SH3RF3: variants seen among roughly 807,000 people sequenced by gnomAD.
SH3RF3 encodes E3 ubiquitin-protein ligase SH3RF3.
A neutral mutation model predicts 66.3 loss-of-function variants in SH3RF3; 29 were observed. The observed-to-expected ratio is 0.44, with a 90% CI of 0.33 to 0.60. The LOEUF (loss-of-function observed/expected upper bound fraction) is 0.60, where lower values mean the gene tolerates loss of function less well. Among genes scored for constraint, SH3RF3 ranks in the 20% least tolerant of loss-of-function variants. The pLI, the probability that SH3RF3 is intolerant of heterozygous loss-of-function variation, is 0.04. For missense variants in SH3RF3, 1,194 were observed against 1,190.9 expected (o/e 1.00, Z -0.04); for synonymous variants, 583 against 532.0 (o/e 1.10, Z -1.32).
chr2:109,180,699 T>A (rs1196216702), intron 1 of SH3RF3, among the ~76,000 whole-genome samples: 1 of 152,220 alleles, frequency 6.6e-6, no homozygotes, highest in Non-Finnish European at 1.5e-5. Context: ...GACTTGCTCC[T>A]CCTTTCCTTC....
intron 2 of SH3RF3, among the ~76,000 whole-genome samples, chr2:109,350,742 A>G (rs79452191): frequency 0.013 from 2,002 of 152,334 alleles, 21 homozygotes; most frequent in Non-Finnish European, 0.018. Context: ...GACAACCTCC[A>G]TGTGAATCAG....
intron 1 of SH3RF3, among the ~76,000 whole-genome samples, chr2:109,162,315 C>G (rs60503121): frequency 6.6e-6 from 1 of 152,200 alleles, no homozygotes; most frequent in Non-Finnish European, 1.5e-5. Flanking sequence ...ACAGCTACTG[C>G]GAGAAGTTGC....
intron 1 of SH3RF3, among the ~76,000 whole-genome samples, chr2:109,290,971 T>C (rs1003938920): frequency 6.6e-6 from 1 of 152,242 alleles, no homozygotes; most frequent in African/African-American, 2.4e-5. Flanking sequence ...ATATGCCGGG[T>C]ACATAGTAGG....
intron 8 of SH3RF3, among the ~76,000 whole-genome samples, chr2:109,489,758 G>A (rs1422356760): frequency 2.8e-5 from 4 of 142,964 alleles, no homozygotes; most frequent in African/African-American, 5.1e-5. Flanking sequence ...GGGCGGGGGG[G>A]ACGGAGTCTC....
chr2:109,254,314 A>C (rs1238788755), intron 1 of SH3RF3, among the ~76,000 whole-genome samples: 2 of 152,200 alleles, frequency 1.3e-5, no homozygotes, highest in Non-Finnish European at 2.9e-5. Context: ...CCAAGGAGTC[A>C]GTGCCATAAT....
chr2:109,178,543 T>C lies in SH3RF3; in HGVS notation c.573+48430T>C, dbSNP rs574941856. On this transcript the variant is annotated intron_variant, in intron 1 of 9. Coordinates refer to ENST00000309415, the MANE Select transcript of SH3RF3 (RefSeq NM_001099289.3). ...ATTCCCAACATTGCTATGTTTTATTTATGTCAACTCTTTAACCCAAAGCCT... is the reference window on the plus strand; with the variant it reads ...ATTCCCAACATTGCTATGTTTTATTCATGTCAACTCTTTAACCCAAAGCCT... Among the ~76,000 whole-genome samples, 17 of 152,350 alleles carry C rather than the reference T, an allele frequency of 1.1e-4. No homozygotes were observed. In the East Asian group the frequency reaches 2.1e-3, roughly 19 times the overall value.
chr2:109,217,151 C>A (rs1679117688), intron 1 of SH3RF3, among the ~76,000 whole-genome samples: 1 of 152,228 alleles, frequency 6.6e-6, no homozygotes, highest in Non-Finnish European at 1.5e-5. Context: ...GTACGGTCAT[C>A]CACATCTTGT....
At chr2:109,184,214 A>G (rs1271253918) in intron 1 of SH3RF3, among the ~76,000 whole-genome samples, 2 of 152,172 alleles carry the variant, frequency 1.3e-5, no homozygotes, top group Non-Finnish European at 2.9e-5. Flanking sequence ...CTGAATTTCT[A>G]CACTCCCTTG....
chr2:109,291,726 C>T (rs542966663), intron 1 of SH3RF3, among the ~76,000 whole-genome samples: 6 of 152,328 alleles, frequency 3.9e-5, no homozygotes, highest in Non-Finnish European at 7.4e-5. Context: ...CCAAGCCAGG[C>T]TTATCCGCAG....
rs760771319 is a variant in SH3RF3, at chr2:109,436,894, G to A, written c.1576G>A (p.Val526Met). ...ATTCCTTCTGCTTTCTCTCCACAGG[G>A]TGCCTGCAGGAGGGGCAGGGCCGCC... ...PGNYVTPVSR[V>M]PAGGAGPPRN... The change falls in exon 7 of 10, where the codon GTG becomes ATG. Residue 526 changes from valine to methionine, a missense_variant and splice_region_variant. Val to Met is a conservative substitution (Grantham distance 21, BLOSUM62 1). Transcript: ENST00000309415. 38 of 1,612,836 alleles carry A rather than the reference G, an allele frequency of 2.4e-5. No homozygotes were observed. In the Admixed American group the frequency reaches 6.3e-4, roughly 27 times the overall value.
intron 1 of SH3RF3, among the ~76,000 whole-genome samples, chr2:109,242,252 A>G (rs994303755): frequency 2.0e-5 from 3 of 152,016 alleles, no homozygotes; most frequent in Non-Finnish European, 4.4e-5. Context: ...GGAGCTTTGT[A>G]GTCCTGAGGC....
intron 8 of SH3RF3, among the ~76,000 whole-genome samples, chr2:109,464,902 T>C (rs186022758): frequency 1.4e-4 from 21 of 152,300 alleles, no homozygotes; most frequent in Non-Finnish European, 2.4e-4. Flanking sequence ...TATAATGACA[T>C]GTGTCCAGCA....
chr2:109,142,874 G>A lies in SH3RF3; in HGVS notation c.573+12761G>A, dbSNP rs534760307. On this transcript the variant is annotated intron_variant, in intron 1 of 9. Transcript: ENST00000309415. ...CTCTAAACTTAAGTGGGAAATTTCT[G>A]TCAGGTTGAGGAATTGTCAAGGATG... 4.9e-4 allele frequency among the ~76,000 whole-genome samples: 75 copies of A among 152,282 alleles called. 1 individual carries two copies. The highest frequency in any genetic ancestry group is 1.6e-3 in the African/African-American group (66 of 41,540).
rs966780114 is a variant in SH3RF3 at position 109,161,515 on chromosome 2, C to T, written c.573+31402C>T. 2.6e-5 allele frequency among the ~76,000 whole-genome samples: 4 copies of T among 151,654 alleles called. No individual in the cohort carries two copies. In the East Asian group the frequency reaches 7.7e-4, roughly 29 times the overall value. On this transcript the variant is annotated intron_variant, in intron 1 of 9. Transcript: ENST00000309415. Reference sequence around the variant, plus strand: ...ATTACATATCGTAAGGCGATGTTTCCTGGGGAGGGGAACATGTCTTAGTCT... The same window carrying T: ...ATTACATATCGTAAGGCGATGTTTCTTGGGGAGGGGAACATGTCTTAGTCT...
At chr2:109,460,060 A>G (rs1678171517) in intron 8 of SH3RF3, among the ~76,000 whole-genome samples, 1 of 152,220 alleles carries the variant, frequency 6.6e-6, no homozygotes, top group African/African-American at 2.4e-5. Flanking sequence ...GCCAGCTGCC[A>G]GCATAATGGG....
At chr2:109,410,168 G>C (rs1470352496) in intron 4 of SH3RF3, among the ~76,000 whole-genome samples, 4 of 152,226 alleles carry the variant, frequency 2.6e-5, no homozygotes, top group Non-Finnish European at 5.9e-5. Flanking sequence ...TAGAATCGGG[G>C]AACCGCGGCC....
At chr2:109,142,611 G>C (rs1464290536) in intron 1 of SH3RF3, among the ~76,000 whole-genome samples, 1 of 152,170 alleles carries the variant, frequency 6.6e-6, no homozygotes, top group East Asian at 1.9e-4. Context: ...AGCCTCTCTG[G>C]GTTCTCTGGG....
At position 109,503,243 on chromosome 2, in the gene SH3RF3, T is replaced by A. The variant is rs1378489103; in HGVS notation, c.*1572T>A. 1 of 152,232 alleles carries A rather than the reference T, an allele frequency of 6.6e-6. No individual in the cohort carries two copies. Among genetic ancestry groups the A allele is most frequent in the Non-Finnish European group, 1.5e-5 (1 of 68,044 alleles). The allele number at this position is 152,232 out of a possible 1,614,324, so 9.4% of individuals were successfully genotyped here. The stretch of plus-strand genomic sequence containing the variant: ...TTTACAAATACCATTCAGACTTAAA[T>A]TAAGCTGAAGAAACTAGCCTTTGGT... On this transcript the variant is annotated 3_prime_UTR_variant, in exon 10 of 10. Coordinates refer to ENST00000309415, the MANE Select transcript of SH3RF3 (RefSeq NM_001099289.3).
chr2:109,163,842 T>G (rs1371804112), intron 1 of SH3RF3, among the ~76,000 whole-genome samples: 1 of 152,180 alleles, frequency 6.6e-6, no homozygotes, highest in African/African-American at 2.4e-5. Flanking sequence ...TTTTCCATGA[T>G]CTCTCTGGTC....
Sources: allele counts gnomAD v4.1 joint callset (sites outside exome capture counted in the v4.1 genomes callset), GRCh38; gene constraint gnomAD v4.1.1; transcripts MANE v1.5; gene names NCBI Gene and HGNC (gene_info 2026-07-23, HGNC 2026-07-21).